The following FRMD4B variants were observed in gnomAD, a reference collection of about 807,000 sequenced individuals.
FRMD4B encodes the protein FERM domain-containing protein 4B.
Under a neutral mutation model 141.5 loss-of-function variants are expected in FRMD4B, and 74 were observed. The ratio of observed to expected loss-of-function variants is 0.52; its 90% CI spans 0.43 to 0.63. FRMD4B has a LOEUF of 0.63. Ranked by LOEUF, FRMD4B falls within the 30% of genes least tolerant of loss-of-function variation. FRMD4B has a pLI of 0.00. For missense variants in FRMD4B, 1,366 were observed against 1,253.4 expected (o/e 1.09, Z -1.36); for synonymous variants, 506 against 467.9 (o/e 1.08, Z -1.05).
chr3:69,250,726 CTTTT>C (rs543092302), intron 5 of FRMD4B, among the ~76,000 whole-genome samples: 1 of 134,376 alleles, frequency 7.4e-6, no homozygotes, highest in Non-Finnish European at 1.6e-5. Flanking sequence ...ATCAGTTTTC[CTTTT>C]TTTTTTTTTT....
At chr3:69,352,009 C>G (rs549356720) in intron 1 of FRMD4B, among the ~76,000 whole-genome samples, 1 of 152,316 alleles carries the variant, frequency 6.6e-6, no homozygotes, top group East Asian at 1.9e-4. Flanking sequence ...AACCTCCATT[C>G]TAGTAGTAAC....
chr3:69,505,245 G>A (rs1213793202), intron 1 of FRMD4B, among the ~76,000 whole-genome samples: 2 of 152,104 alleles, frequency 1.3e-5, no homozygotes, highest in Admixed American at 1.3e-4. Flanking sequence ...GGGCATGGTA[G>A]CACATGCCTG....
intron 5 of FRMD4B, among the ~76,000 whole-genome samples, chr3:69,270,648 C>T (rs987277249): frequency 2.0e-5 from 3 of 150,564 alleles, no homozygotes; most frequent in East Asian, 2.0e-4. Context: ...TCACTGCAAC[C>T]TCCATCTCCC....
intron 5 of FRMD4B, among the ~76,000 whole-genome samples, chr3:69,280,425 A>T (rs2093639440): frequency 6.6e-6 from 1 of 152,038 alleles, no homozygotes; most frequent in Non-Finnish European, 1.5e-5. Context: ...GTGCTAGTGC[A>T]CTCCTGAAAT....
At chr3:69,319,211 A>G (rs971764914) in intron 1 of FRMD4B, among the ~76,000 whole-genome samples, 1 of 152,180 alleles carries the variant, frequency 6.6e-6, no homozygotes, top group Admixed American at 6.5e-5. Context: ...TCTGGATCGA[A>G]AGCATAGTTT....
At chr3:69,504,384 AT>A (rs1184669397) in intron 1 of FRMD4B, among the ~76,000 whole-genome samples, 2 of 152,180 alleles carry the variant, frequency 1.3e-5, no homozygotes, top group East Asian at 3.8e-4. Context: ...TTTTTAGTGT[AT>A]TCAGAGTTGT....
At chr3:69,456,826 T>G (rs1012976154) in intron 1 of FRMD4B, among the ~76,000 whole-genome samples, 1 of 151,736 alleles carries the variant, frequency 6.6e-6, no homozygotes, top group Non-Finnish European at 1.5e-5. Flanking sequence ...CTAAATAAAG[T>G]TTTATTGGAG....
At chr3:69,181,867 A>G (rs1171824908) in intron 20 of FRMD4B, among the ~76,000 whole-genome samples, 157 bp from the exon 21 acceptor site, 2 of 152,186 alleles carry the variant, frequency 1.3e-5, no homozygotes, top group African/African-American at 4.8e-5. Context: ...ATTGTTCTCC[A>G]AATCTGTTGG....
intron 1 of FRMD4B, among the ~76,000 whole-genome samples, chr3:69,473,279 G>C (rs1705927369): frequency 2.0e-5 from 3 of 152,060 alleles, no homozygotes; most frequent in Admixed American, 2.0e-4. Flanking sequence ...GTGAGGTCAG[G>C]TGCAATCTTC....
intron 4 of FRMD4B, among the ~76,000 whole-genome samples, chr3:69,299,656 T>C (rs944216490): frequency 1.3e-4 from 20 of 152,244 alleles, no homozygotes; most frequent in African/African-American, 4.6e-4. Context: ...AAGTGATTCA[T>C]TGTTTACTAT....
intron 2 of FRMD4B, among the ~76,000 whole-genome samples, chr3:69,431,463 C>G (rs1179977007): frequency 1.3e-5 from 2 of 152,130 alleles, no homozygotes; most frequent in Non-Finnish European, 2.9e-5. Context: ...ACATCTTTGC[C>G]CCTTTAAAAC....
At chr3:69,433,487 ACT>A (rs1435445271) in intron 1 of FRMD4B, among the ~76,000 whole-genome samples, 1 of 151,218 alleles carries the variant, frequency 6.6e-6, no homozygotes, top group African/African-American at 2.4e-5. Flanking sequence ...GGTAAGTGAA[ACT>A]CTCTGTGGCA....
At chr3:69,462,744 C>G (rs946941864) in intron 1 of FRMD4B, among the ~76,000 whole-genome samples, 9 of 152,228 alleles carry the variant, frequency 5.9e-5, no homozygotes, top group African/African-American at 2.2e-4. Context: ...GCCAGGTAGC[C>G]AAGGCCTCTG....
intron 5 of FRMD4B, among the ~76,000 whole-genome samples, chr3:69,261,081 G>C (rs1457763241): frequency 6.6e-6 from 1 of 152,166 alleles, no homozygotes; most frequent in African/African-American, 2.4e-5. Context: ...CAACCTGCTT[G>C]GGTCACTTTT....
chr3:69,327,762 G>A (rs1209201592), intron 1 of FRMD4B, among the ~76,000 whole-genome samples: 1 of 152,140 alleles, frequency 6.6e-6, no homozygotes, highest in African/African-American at 2.4e-5. Context: ...TCACCAAATT[G>A]TAAAAACAGA....
chr3:69,379,609 A>G (rs1704063661), intron 1 of FRMD4B, among the ~76,000 whole-genome samples: 1 of 152,174 alleles, frequency 6.6e-6, no homozygotes, highest in African/African-American at 2.4e-5. Context: ...AAATTTTTCC[A>G]TATTCCTTTA....
At chr3:69,211,862 T>G (rs2093083461) in intron 11 of FRMD4B, among the ~76,000 whole-genome samples, 1 of 152,146 alleles carries the variant, frequency 6.6e-6, no homozygotes, top group Admixed American at 6.5e-5. Flanking sequence ...TCCTTTAAAT[T>G]ATGCATTCTT....
chr3:69,354,798 C>G (rs1703265277), intron 1 of FRMD4B, among the ~76,000 whole-genome samples: 1 of 152,130 alleles, frequency 6.6e-6, no homozygotes, highest in Non-Finnish European at 1.5e-5. Context: ...CCACAATATA[C>G]TGTCTGGGGA....
At chr3:69,488,790 G>A (rs1399323863) in intron 1 of FRMD4B, among the ~76,000 whole-genome samples, 1 of 150,748 alleles carries the variant, frequency 6.6e-6, no homozygotes, top group African/African-American at 2.4e-5. Flanking sequence ...CTACTCAGGA[G>A]GCTGAGGCAA....
Sources: allele counts gnomAD v4.1 joint callset (sites outside exome capture counted in the v4.1 genomes callset), GRCh38; gene constraint gnomAD v4.1.1; transcripts MANE v1.5; gene names NCBI Gene and HGNC (gene_info 2026-07-23, HGNC 2026-07-21).